Variants in CNTNAP5 observed in about 807,000 individuals in gnomAD.
CNTNAP5 encodes contactin-associated protein-like 5.
A neutral mutation model predicts 150.2 loss-of-function variants in CNTNAP5; 72 were observed. The observed-to-expected ratio is 0.48, with a 90% CI of 0.40 to 0.58. CNTNAP5 has a LOEUF of 0.58. Among genes scored for constraint, CNTNAP5 ranks in the 20% least tolerant of loss-of-function variants. The pLI, the probability that CNTNAP5 is intolerant of heterozygous loss-of-function variation, is 0.00. For synonymous variants in CNTNAP5, 672 were observed against 619.8 expected (o/e 1.08, Z -1.25); for missense variants, 1,636 against 1,626.2 (o/e 1.01, Z -0.10).
chr2:124,858,825 G>A (rs1425922968), intron 19 of CNTNAP5, among the ~76,000 whole-genome samples: 2 of 151,872 alleles, frequency 1.3e-5, no homozygotes, highest in Non-Finnish European at 2.9e-5. Context: ...ATTAGTAGAA[G>A]AAAAGAAATA....
chr2:124,323,194 T>G (rs1313993847), intron 3 of CNTNAP5, among the ~76,000 whole-genome samples: 1 of 152,130 alleles, frequency 6.6e-6, no homozygotes, highest in Non-Finnish European at 1.5e-5. Context: ...CAGGAACACT[T>G]TCCCAGAGGA....
chr2:124,457,439 C>T (rs563813475), intron 6 of CNTNAP5, among the ~76,000 whole-genome samples: 25 of 152,250 alleles, frequency 1.6e-4, no homozygotes, highest in African/African-American at 5.8e-4. Context: ...TATCCAGAAA[C>T]TACAATGAAC....
chr2:124,397,483 A>T (rs1237078701), intron 3 of CNTNAP5, among the ~76,000 whole-genome samples: 1 of 152,130 alleles, frequency 6.6e-6, no homozygotes, highest in South Asian at 2.1e-4. Flanking sequence ...TCATGAACTA[A>T]TTACCTCTCA....
At chr2:124,490,988 G>A (rs988298035) in intron 7 of CNTNAP5, among the ~76,000 whole-genome samples, 1 of 152,082 alleles carries the variant, frequency 6.6e-6, no homozygotes, top group Admixed American at 6.6e-5. Context: ...TTCAGTAGCA[G>A]ATTTCCTTTT....
chr2:124,758,380 C>T (rs1680885598), intron 14 of CNTNAP5, among the ~76,000 whole-genome samples: 1 of 151,968 alleles, frequency 6.6e-6, no homozygotes, highest in African/African-American at 2.4e-5. Context: ...TGCCTGATGA[C>T]ATCCAAGGGA....
chr2:124,362,055 G>C (rs1558868228), intron 3 of CNTNAP5, among the ~76,000 whole-genome samples: 1 of 152,224 alleles, frequency 6.6e-6, no homozygotes, highest in South Asian at 2.1e-4. Context: ...ATATTCGGGT[G>C]GGAGTGACCC....
chr2:124,533,307 GGCAAA>G (rs1695153831), intron 10 of CNTNAP5, among the ~76,000 whole-genome samples: 3 of 152,094 alleles, frequency 2.0e-5, no homozygotes, highest in African/African-American at 7.2e-5. Context: ...AAATCTTATA[GGCAAA>G]TTGGAGCATT....
chr2:124,514,095 G>T (rs893096057), intron 8 of CNTNAP5, among the ~76,000 whole-genome samples: 2 of 152,234 alleles, frequency 1.3e-5, no homozygotes, highest in Non-Finnish European at 2.9e-5. Flanking sequence ...GTCACAACAA[G>T]CTGTCTGGTT....
intron 3 of CNTNAP5, among the ~76,000 whole-genome samples, chr2:124,290,098 C>T (rs915746415): frequency 7.9e-5 from 12 of 152,160 alleles, no homozygotes; most frequent in Middle Eastern, 6.8e-3. Flanking sequence ...CTCGACTTCC[C>T]CTTGGAACTG....
At chr2:124,720,967 G>T (rs1397634131) in intron 13 of CNTNAP5, among the ~76,000 whole-genome samples, 1 of 151,860 alleles carries the variant, frequency 6.6e-6, no homozygotes, top group Non-Finnish European at 1.5e-5. Flanking sequence ...CCTAAATAAT[G>T]CTGGTCCATG....
At chr2:124,854,110 A>G (rs1206169014) in intron 19 of CNTNAP5, among the ~76,000 whole-genome samples, 1 of 152,188 alleles carries the variant, frequency 6.6e-6, no homozygotes, top group Non-Finnish European at 1.5e-5. Flanking sequence ...ATAGTACTGC[A>G]GTGAACTTTC....
chr2:124,557,657 A>G (rs1363215359), intron 10 of CNTNAP5, among the ~76,000 whole-genome samples: 1 of 152,200 alleles, frequency 6.6e-6, no homozygotes, highest in Admixed American at 6.5e-5. Context: ...TAAGCAGAGT[A>G]TCTAGTGTGT....
intron 3 of CNTNAP5, among the ~76,000 whole-genome samples, chr2:124,274,675 A>T (rs1687843392): frequency 6.6e-6 from 1 of 152,156 alleles, no homozygotes; most frequent in African/African-American, 2.4e-5. Context: ...TCTTCATACA[A>T]CCCACGTAAA....
intron 12 of CNTNAP5, among the ~76,000 whole-genome samples, chr2:124,644,822 C>T (rs1678170114): frequency 6.6e-6 from 1 of 152,088 alleles, no homozygotes; most frequent in Non-Finnish European, 1.5e-5. Flanking sequence ...AGGTTTCAAG[C>T]AATCATTTCT....
intron 3 of CNTNAP5, among the ~76,000 whole-genome samples, chr2:124,303,857 C>G (rs184306754): frequency 9.2e-5 from 14 of 152,074 alleles, no homozygotes; most frequent in Non-Finnish European, 1.8e-4. Context: ...CATAGAAAGA[C>G]CCTGTCATTA....
rs368913883 is a variant in CNTNAP5 at position 124,909,826 on chromosome 2, C to CATATATATATATATATAT, written c.3656-1626_3656-1609dup. Among the ~76,000 whole-genome samples the CATATATATATATATATAT allele has an allele frequency of 5.4e-3, 402 of 74,538 alleles. 9 individuals are homozygous for CATATATATATATATATAT. The highest frequency in any genetic ancestry group is 6.6e-3 in the Non-Finnish European group (265 of 40,276). 48.9% of individuals were successfully genotyped at this position (74,538 alleles called of 152,430 possible). A position where few individuals can be genotyped will look rare whatever the true frequency, so the allele number is the denominator to read the frequency against. On this transcript the variant is annotated intron_variant, in intron 22 of 23. Transcript: ENST00000682447. Reference sequence around the variant, plus strand: ...TCACCCCATCGTTATCAATTGGTGACATATATATATATATATATATATATA... The same window carrying CATATATATATATATATAT: ...TCACCCCATCGTTATCAATTGGTGACATATATATATATATATATATATATATATATATATATATATATA...
intron 21 of CNTNAP5, among the ~76,000 whole-genome samples, chr2:124,880,457 A>G (rs1032365736): frequency 1.3e-5 from 2 of 152,146 alleles, no homozygotes; most frequent in African/African-American, 2.4e-5. Context: ...CTAATCAATC[A>G]TATATAAGAC....
At chr2:124,728,413 A>C (rs2105124268) in intron 13 of CNTNAP5, among the ~76,000 whole-genome samples, 1 of 152,138 alleles carries the variant, frequency 6.6e-6, no homozygotes, top group African/African-American at 2.4e-5. Flanking sequence ...ACATGATGCT[A>C]GGCTTTTCTT....
intron 13 of CNTNAP5, among the ~76,000 whole-genome samples, chr2:124,718,623 T>C (rs1679991045): frequency 6.6e-6 from 1 of 152,200 alleles, no homozygotes; most frequent in East Asian, 1.9e-4. Flanking sequence ...TTCTCTTAGG[T>C]GTGATGGGTT....
Sources: gnomAD v4.1 joint callset for allele counts (sites outside exome capture counted in the v4.1 genomes callset) on GRCh38, gnomAD v4.1.1 for gene constraint, MANE v1.5 for transcripts, NCBI Gene and HGNC (gene_info 2026-07-23, HGNC 2026-07-21) for gene names.